Variants in AGBL1 observed in about 807,000 individuals in gnomAD.
AGBL1 encodes AGBL carboxypeptidase 1.
Under a neutral mutation model 118.9 loss-of-function variants are expected in AGBL1, and 130 were observed. That is an observed-to-expected ratio of 1.09 (90% CI 0.95 to 1.26). The LOEUF is 1.26. AGBL1 is among the 50% of genes most tolerant of loss of function. The pLI, the probability that AGBL1 is intolerant of heterozygous loss-of-function variation, is 0.00. For missense variants in AGBL1, 1,584 were observed against 1,298.1 expected (o/e 1.22, Z -3.38); for synonymous variants, 555 against 478.9 (o/e 1.16, Z -2.08).
chr15:86,883,942 C>G (rs543569686), intron 22 of AGBL1, among the ~76,000 whole-genome samples: 2 of 152,210 alleles, frequency 1.3e-5, no homozygotes, highest in South Asian at 2.1e-4. Flanking sequence ...TTCTACGACC[C>G]CCCAGTGGAT....
chr15:86,790,659 C>T (rs1441200164), intron 22 of AGBL1, among the ~76,000 whole-genome samples: 1 of 152,000 alleles, frequency 6.6e-6, no homozygotes, highest in Non-Finnish European at 1.5e-5. Context: ...AATAGGGTAG[C>T]AGCATGAAAC....
intron 17 of AGBL1, among the ~76,000 whole-genome samples, chr15:86,359,333 C>T (rs1049458668): frequency 4.0e-5 from 6 of 149,528 alleles, no homozygotes; most frequent in African/African-American, 1.5e-4. Flanking sequence ...GACTGTACTT[C>T]CTCAGTTTTA....
At chr15:86,780,645 C>G (rs956089718) in intron 22 of AGBL1, among the ~76,000 whole-genome samples, 1 of 145,066 alleles carries the variant, frequency 6.9e-6, no homozygotes, top group Non-Finnish European at 1.5e-5. Flanking sequence ...TTAATTGGGT[C>G]TTCTTTAACT....
At chr15:86,499,491 A>T (rs540482655) in intron 18 of AGBL1, among the ~76,000 whole-genome samples, 4 of 151,916 alleles carry the variant, frequency 2.6e-5, no homozygotes, top group African/African-American at 4.8e-5. Flanking sequence ...TTCCAAAGCA[A>T]GAATCAAATC....
intron 17 of AGBL1, among the ~76,000 whole-genome samples, chr15:86,303,482 G>A (rs185944012): frequency 6.6e-6 from 1 of 152,216 alleles, no homozygotes; most frequent in East Asian, 1.9e-4. Flanking sequence ...ATAGTTGAAT[G>A]CCAACAAAGA....
At chr15:86,782,421 C>T (rs1041626632) in intron 22 of AGBL1, among the ~76,000 whole-genome samples, 1 of 152,126 alleles carries the variant, frequency 6.6e-6, no homozygotes, top group Non-Finnish European at 1.5e-5. Flanking sequence ...ACAGGAGAGA[C>T]AGTAGGATTT....
At chr15:86,341,003 C>T (rs1480764158) in intron 17 of AGBL1, among the ~76,000 whole-genome samples, 1 of 152,160 alleles carries the variant, frequency 6.6e-6, no homozygotes, top group Non-Finnish European at 1.5e-5. Context: ...CCTCTGATAC[C>T]ACCCCAGTGG....
At chr15:86,481,932 C>G (rs2082657555) in intron 18 of AGBL1, among the ~76,000 whole-genome samples, 1 of 152,032 alleles carries the variant, frequency 6.6e-6, no homozygotes, top group Non-Finnish European at 1.5e-5. Flanking sequence ...AGTGGAATGA[C>G]AGAGGGAAAG....
At chr15:86,445,053 G>A (rs2082105803) in intron 18 of AGBL1, among the ~76,000 whole-genome samples, 1 of 152,128 alleles carries the variant, frequency 6.6e-6, no homozygotes, top group Non-Finnish European at 1.5e-5. Context: ...GAGTTGGGGT[G>A]TGAAAAAAAT....
At chr15:86,549,354 C>T (rs2083632294) in intron 20 of AGBL1, among the ~76,000 whole-genome samples, 1 of 152,222 alleles carries the variant, frequency 6.6e-6, no homozygotes, top group South Asian at 2.1e-4. Flanking sequence ...TTGAGCACTA[C>T]ATTTGCCCAA....
rs1276848244 is a variant in AGBL1, at chr15:86,266,443, T to G, written c.1737T>G (p.Ser579Arg). The G allele has an allele frequency of 1.9e-6, 3 of 1,567,384 alleles. No homozygotes were observed. The change falls in exon 12 of 23, where the codon AGT becomes AGG. Residue 579 changes from serine to arginine, a missense_variant. Physicochemically the swap from Ser to Arg is moderately radical, Grantham distance 110 (BLOSUM62 -1). Transcript: ENST00000614907. ...PSDVINKVVF[S>R]LDEPWPLQDN... ...ATGTTATAAATAAAGTTGTCTTCAGTTTAGATGAGCCTTGGTAGGTAGTCT... is the reference window on the plus strand; with the variant it reads ...ATGTTATAAATAAAGTTGTCTTCAGGTTAGATGAGCCTTGGTAGGTAGTCT...
chr15:86,429,663 C>T (rs894397189), intron 18 of AGBL1, among the ~76,000 whole-genome samples: 1 of 152,174 alleles, frequency 6.6e-6, no homozygotes, highest in African/African-American at 2.4e-5. Flanking sequence ...CTGTTCTCAC[C>T]ATGTGGATGA....
At chr15:86,458,723 C>T (rs2082293003) in intron 18 of AGBL1, among the ~76,000 whole-genome samples, 1 of 152,106 alleles carries the variant, frequency 6.6e-6, no homozygotes, top group African/African-American at 2.4e-5. Flanking sequence ...TAGAGCTCAC[C>T]AAAGGCACAC....
At chr15:86,163,704 T>C (rs1001456177) in intron 5 of AGBL1, among the ~76,000 whole-genome samples, 8 of 151,750 alleles carry the variant, frequency 5.3e-5, no homozygotes, top group African/African-American at 1.7e-4. Flanking sequence ...CTCCAGCCTG[T>C]GAGACAGAGT....
intron 24 of AGBL1, among the ~76,000 whole-genome samples, chr15:87,014,060 TA>T (rs1335003496): frequency 2.6e-5 from 4 of 152,206 alleles, no homozygotes; most frequent in Non-Finnish European, 5.9e-5. Flanking sequence ...TCAATAATAA[TA>T]AATGATAGAC....
chr15:86,236,897 T>G (rs2078553174), intron 6 of AGBL1, among the ~76,000 whole-genome samples: 2 of 112,370 alleles, frequency 1.8e-5, no homozygotes, highest in Admixed American at 2.7e-4. Flanking sequence ...AAATACAGGG[T>G]ACCCTGATGT....
intron 18 of AGBL1, among the ~76,000 whole-genome samples, chr15:86,480,445 A>G (rs2082636357): frequency 6.6e-6 from 1 of 152,072 alleles, no homozygotes; most frequent in African/African-American, 2.4e-5. Context: ...TGTCATGCTA[A>G]TGGAAATTAG....
chr15:86,687,573 A>T (rs1036262131), intron 22 of AGBL1, among the ~76,000 whole-genome samples: 6 of 152,176 alleles, frequency 3.9e-5, no homozygotes. Context: ...TAATATAGTC[A>T]TGAGTGATTT....
intron 17 of AGBL1, among the ~76,000 whole-genome samples, chr15:86,381,334 C>T (rs1415483825): frequency 6.6e-6 from 1 of 152,216 alleles, no homozygotes; most frequent in Admixed American, 6.5e-5. Flanking sequence ...ATGAAGTTGA[C>T]ATAATATTCT....
Sources: gnomAD v4.1 joint callset for allele counts (sites outside exome capture counted in the v4.1 genomes callset) on GRCh38, gnomAD v4.1.1 for gene constraint, MANE v1.5 for transcripts, NCBI Gene and HGNC (gene_info 2026-07-23, HGNC 2026-07-21) for gene names.